FAAH2: variants seen among roughly 807,000 people sequenced by gnomAD.
FAAH2 encodes fatty-acid amide hydrolase 2.
In FAAH2, 60 loss-of-function variants were observed where a neutral mutation model predicts 36.9. That is an observed-to-expected ratio of 1.63 (90% confidence interval 1.32 to 2.02). The LOEUF is 2.02. Among genes scored for constraint, FAAH2 ranks in the 30% most tolerant of loss-of-function variants. The probability of loss-of-function intolerance (pLI) is 0.00; values close to 1 mark genes in which losing one functional copy is unlikely to be tolerated. For synonymous variants in FAAH2, 214 were observed against 143.8 expected, an observed-to-expected ratio of 1.49 and a Z score of -3.49; for missense variants, 689 against 397.5, an observed-to-expected ratio of 1.73 and a Z score of -6.23.
At chrX:57,216,594 ATATG>A in the FAAH2 span, among the ~76,000 whole-genome samples, 6 of 45,440 alleles carry the variant, frequency 1.3e-4, no homozygotes, top group South Asian at 4.2e-3. Context: ...ATATGTATAT[ATATG>A]TATATATATA....
intron 8 of FAAH2, among the ~76,000 whole-genome samples, chrX:57,436,656 A>G (rs2056418051): frequency 9.0e-6 from 1 of 111,427 alleles, no homozygotes; most frequent in Admixed American, 9.6e-5. Flanking sequence ...CCTAGAGGAA[A>G]TAAATTAATT....
rs146597838 is a variant in FAAH2 at position 57,373,138 on chromosome X, G to A, written c.743-5513G>A. On this transcript the variant is annotated intron_variant, in intron 5 of 10. Coordinates refer to ENST00000374900, the MANE Select transcript of FAAH2 (RefSeq NM_174912.4). ...TCTTTACCTATTCATTGACTGATGGGGATTTGGGCTGGTTCCATATTTTTG... is the reference window on the plus strand; with the variant it reads ...TCTTTACCTATTCATTGACTGATGGAGATTTGGGCTGGTTCCATATTTTTG... Among the ~76,000 whole-genome samples, 993 of 111,292 alleles carry A rather than the reference G, an allele frequency of 8.9e-3. 9 individuals carry two copies. The highest frequency in any genetic ancestry group is 0.031 in the African/African-American group (955 of 30,706).
chrX:57,435,091 C>T (rs1569342747), intron 8 of FAAH2, among the ~76,000 whole-genome samples: 1 of 111,629 alleles, frequency 9.0e-6, no homozygotes, highest in Non-Finnish European at 1.9e-5. Flanking sequence ...AATTTATCAC[C>T]ACTAGAGCAG....
chrX:57,183,835 G>A, the FAAH2 span, among the ~76,000 whole-genome samples: 132 of 111,235 alleles, frequency 1.2e-3, no homozygotes, highest in African/African-American at 4.2e-3. Context: ...CGGGCAAAAA[G>A]AACCATATTT....
At chrX:57,263,280 T>G in the FAAH2 span, among the ~76,000 whole-genome samples, 1 of 111,766 alleles carries the variant, frequency 8.9e-6, no homozygotes, top group African/African-American at 3.2e-5. Flanking sequence ...TTACAAAATT[T>G]AGATGTATGT....
the FAAH2 span, among the ~76,000 whole-genome samples, chrX:57,207,364 T>C: frequency 8.9e-6 from 1 of 111,837 alleles, no homozygotes; most frequent in Non-Finnish European, 1.9e-5. Flanking sequence ...CTATGTTGAA[T>C]TGAATGGGTT....
At chrX:57,224,551 C>G in the FAAH2 span, among the ~76,000 whole-genome samples, 144 of 111,437 alleles carry the variant, frequency 1.3e-3, no homozygotes, top group Non-Finnish European at 2.4e-3. Context: ...TGTGCACCAG[C>G]AGCGTGCGCC....
the FAAH2 span, among the ~76,000 whole-genome samples, chrX:57,130,193 A>G: frequency 8.9e-6 from 1 of 112,283 alleles, no homozygotes; most frequent in Non-Finnish European, 1.9e-5. Flanking sequence ...TAAGGCATGA[A>G]GATTGTTTTG....
chrX:57,425,510 G>A (rs567443305), intron 7 of FAAH2, among the ~76,000 whole-genome samples: 1 of 111,841 alleles, frequency 8.9e-6, no homozygotes, highest in South Asian at 3.7e-4. Flanking sequence ...CACATAAACA[G>A]CAGACTTCTC....
At chrX:57,445,089 A>G (rs866433886) in intron 8 of FAAH2, among the ~76,000 whole-genome samples, 38 of 111,723 alleles carry the variant, frequency 3.4e-4, no homozygotes, top group South Asian at 3.7e-4. Flanking sequence ...TGTTGTTTTC[A>G]ATATTCACCG....
chrX:57,146,957 C>G, the FAAH2 span, among the ~76,000 whole-genome samples: 1 of 111,363 alleles, frequency 9.0e-6, no homozygotes, highest in Non-Finnish European at 1.9e-5. Context: ...TGCTGCTGGA[C>G]TTGGTTAGCT....
At chrX:57,359,445 C>T (rs181411336) in intron 5 of FAAH2, among the ~76,000 whole-genome samples, 8 of 111,364 alleles carry the variant, frequency 7.2e-5, no homozygotes, top group Admixed American at 3.8e-4. Context: ...GTTTCCCTTC[C>T]GCTATTGATT....
chrX:57,209,006 G>A, the FAAH2 span, among the ~76,000 whole-genome samples: 252 of 111,657 alleles, frequency 2.3e-3, 2 homozygotes, highest in African/African-American at 7.9e-3. Context: ...TTTATGGCTA[G>A]TTTTGGGGCC....
At chrX:57,421,411 AC>A (rs1196679978) in intron 7 of FAAH2, among the ~76,000 whole-genome samples, 1 of 111,965 alleles carries the variant, frequency 8.9e-6, no homozygotes, top group African/African-American at 3.2e-5. Context: ...ATAACATAAT[AC>A]CATAGACTGG....
At chrX:57,386,912 A>T (rs1168371344) in intron 7 of FAAH2, among the ~76,000 whole-genome samples, 3 of 112,178 alleles carry the variant, frequency 2.7e-5, no homozygotes, top group Non-Finnish European at 3.8e-5. Context: ...AGTTTAAAAT[A>T]GTCACATGCT....
chrX:57,357,357 T>G (rs749504136), intron 5 of FAAH2, among the ~76,000 whole-genome samples: 146 of 111,232 alleles, frequency 1.3e-3, no homozygotes, highest in African/African-American at 4.5e-3. Flanking sequence ...CCTAAAGAGC[T>G]TCTGCACAGC....
intron 7 of FAAH2, among the ~76,000 whole-genome samples, chrX:57,396,147 T>C (rs112219589): frequency 0.01 from 1,140 of 111,529 alleles, 12 homozygotes; most frequent in African/African-American, 0.035. Context: ...TGATGATCTT[T>C]TCTGTTTCTG....
chrX:57,470,905 G>A (rs2057152730), intron 10 of FAAH2, among the ~76,000 whole-genome samples: 1 of 111,643 alleles, frequency 9.0e-6, no homozygotes, highest in Non-Finnish European at 1.9e-5. Context: ...CCATGATCAA[G>A]TGGGCTTCAT....
the FAAH2 span, among the ~76,000 whole-genome samples, chrX:57,159,002 T>C: frequency 1.3e-3 from 142 of 112,648 alleles, 1 homozygote; most frequent in Admixed American, 3.0e-3. Flanking sequence ...CTTTAATCCA[T>C]CTTGAATTAA....
Sources: gnomAD v4.1 joint callset for allele counts (sites outside exome capture counted in the v4.1 genomes callset) on GRCh38, gnomAD v4.1.1 for gene constraint, MANE v1.5 for transcripts, NCBI Gene and HGNC (gene_info 2026-07-23, HGNC 2026-07-21) for gene names.